ZNF385B: variants seen among roughly 807,000 people sequenced by gnomAD.
ZNF385B encodes the protein zinc finger protein 533.
A neutral mutation model predicts 39.2 loss-of-function variants in ZNF385B; 23 were observed. The ratio of observed to expected loss-of-function variants is 0.59; its 90% confidence interval spans 0.42 to 0.83. The LOEUF (loss-of-function observed/expected upper bound fraction) is 0.83, where lower values mean the gene tolerates loss of function less well. ZNF385B is among the 40% of genes least tolerant of loss of function. The probability of loss-of-function intolerance (pLI) is 0.00; values close to 1 mark genes in which losing one functional copy is unlikely to be tolerated. For missense variants in ZNF385B, 552 were observed against 598.9 expected (o/e 0.92, Z 0.82); for synonymous variants, 205 against 222.6 (o/e 0.92, Z 0.70).
At position 179,753,964 on chromosome 2, in the gene ZNF385B, A is replaced by C. The variant is rs568817536; in HGVS notation, c.298+15539T>G. The stretch of plus-strand genomic sequence containing the variant: ...GATTTCCCTGGCCAGAACTTCCAAC[A>C]CTGTGTTGAATAGGAGTGGTGAGAG... On this transcript the variant is annotated intron_variant, in intron 3 of 9. Transcript: ENST00000410066. Among the ~76,000 whole-genome samples the C allele has an allele frequency of 5.9e-5, 9 of 152,208 alleles. No homozygotes were observed. The East Asian group carries it at 1.7e-3, about 29-fold the overall frequency.
chr2:179,762,847 ATGATAAAT>A (rs1703480349), intron 3 of ZNF385B, among the ~76,000 whole-genome samples: 1 of 152,170 alleles, frequency 6.6e-6, no homozygotes, highest in Non-Finnish European at 1.5e-5. Context: ...GTGCTTTGTA[ATGATAAAT>A]TCAGCTTATT....
intron 1 of ZNF385B, among the ~76,000 whole-genome samples, chr2:179,822,788 T>G (rs536177681): frequency 6.6e-6 from 1 of 152,318 alleles, no homozygotes; most frequent in African/African-American, 2.4e-5. Flanking sequence ...AATTATTCTT[T>G]GCACACAAAA....
In ZNF385B at chr2:179,809,879, A is replaced by G. The variant is rs115170826; in HGVS notation, c.-154-39207T>C. ...CTGATTCTAACATTCATCCAGAAAA[A>G]CAAATATGTAAGCATGTTCTGAAAA... On this transcript the variant is annotated intron_variant, in intron 1 of 9. Coordinates refer to ENST00000410066, the MANE Select transcript of ZNF385B (RefSeq NM_152520.6). 4.1e-3 allele frequency among the ~76,000 whole-genome samples: 631 copies of G among 152,168 alleles called. 5 individuals are homozygous for G. Among genetic ancestry groups the G allele is most frequent in the African/African-American group, 0.014 (600 of 41,570 alleles).
intron 3 of ZNF385B, among the ~76,000 whole-genome samples, chr2:179,567,335 G>T (rs1684711114): frequency 1.3e-5 from 2 of 152,120 alleles, no homozygotes; most frequent in Admixed American, 1.3e-4. Context: ...TATCTGTGGG[G>T]GGAAAAACAA....
chr2:179,469,948 TC>T (rs2052548592), intron 6 of ZNF385B, among the ~76,000 whole-genome samples: 1 of 152,168 alleles, frequency 6.6e-6, no homozygotes, highest in Non-Finnish European at 1.5e-5. Context: ...AGCTTTTTTC[TC>T]CCCAATGGGG....
At chr2:179,512,481 T>C (rs890182147) in intron 5 of ZNF385B, among the ~76,000 whole-genome samples, 29 of 152,156 alleles carry the variant, frequency 1.9e-4, no homozygotes, top group Admixed American at 5.9e-4. Context: ...ATGAGATAAA[T>C]GTTAGTCTCA....
At chr2:179,449,550 T>C (rs1013556112) in intron 6 of ZNF385B, among the ~76,000 whole-genome samples, 3 of 152,100 alleles carry the variant, frequency 2.0e-5, no homozygotes, top group Admixed American at 6.6e-5. Context: ...ACAAGGGACA[T>C]GAAGGACCTC....
chr2:179,712,469 T>C (rs1014097576), intron 3 of ZNF385B, among the ~76,000 whole-genome samples: 1 of 152,174 alleles, frequency 6.6e-6, no homozygotes, highest in Non-Finnish European at 1.5e-5. Flanking sequence ...ACACCGTCCT[T>C]GATATCTCCT....
intron 3 of ZNF385B, among the ~76,000 whole-genome samples, chr2:179,630,208 TC>T (rs1691067961): frequency 6.6e-6 from 1 of 152,212 alleles, no homozygotes; most frequent in African/African-American, 2.4e-5. Context: ...ACAGAATGCC[TC>T]CTCAAATGGG....
At chr2:179,504,603 T>C (rs1010745143) in intron 5 of ZNF385B, among the ~76,000 whole-genome samples, 3 of 151,930 alleles carry the variant, frequency 2.0e-5, no homozygotes, top group Non-Finnish European at 4.4e-5. Context: ...ATAGTGGTTT[T>C]GATTTGCATT....
At chr2:179,554,084 C>T (rs71425637) in intron 3 of ZNF385B, among the ~76,000 whole-genome samples, 15,471 of 148,598 alleles carry the variant, frequency 0.1, 1,709 homozygotes, top group Middle Eastern at 0.2. Flanking sequence ...GGAAAACTAA[C>T]TGAGGTTTTT....
At chr2:179,447,966 T>C (rs2049672942) in intron 6 of ZNF385B, among the ~76,000 whole-genome samples, 1 of 125,990 alleles carries the variant, frequency 7.9e-6, no homozygotes, top group Non-Finnish European at 1.6e-5. Context: ...GAATCAGCAG[T>C]TGATTTCCAT....
chr2:179,488,316 T>C (rs1013752124), intron 5 of ZNF385B, among the ~76,000 whole-genome samples: 1 of 152,148 alleles, frequency 6.6e-6, no homozygotes, highest in Non-Finnish European at 1.5e-5. Flanking sequence ...GGCTAATTTT[T>C]TTGTATTTTA....
At chr2:179,803,403 G>A (rs547619347) in intron 1 of ZNF385B, among the ~76,000 whole-genome samples, 1 of 152,220 alleles carries the variant, frequency 6.6e-6, no homozygotes, top group Admixed American at 6.5e-5. Context: ...ATTTTTACTA[G>A]TGCATGACTA....
chr2:179,776,746 T>C (rs533319510), intron 1 of ZNF385B, among the ~76,000 whole-genome samples: 2 of 152,132 alleles, frequency 1.3e-5, no homozygotes, highest in Non-Finnish European at 2.9e-5. Context: ...GAACAACAAC[T>C]GGCTTGGGAT....
chr2:179,622,660 TA>T (rs1212343481), intron 3 of ZNF385B, among the ~76,000 whole-genome samples: 1 of 152,176 alleles, frequency 6.6e-6, no homozygotes, highest in Non-Finnish European at 1.5e-5. Flanking sequence ...CATATAAGAA[TA>T]AAAATTTTTA....
chr2:179,493,809 A>ATATGTATACATATATGTATATG (rs2055845492), intron 5 of ZNF385B, among the ~76,000 whole-genome samples: 5 of 145,512 alleles, frequency 3.4e-5, no homozygotes, highest in African/African-American at 7.5e-5. Context: ...ATGTATATAT[A>ATATGTATACATATATGTATATG]CATATATATA....
intron 3 of ZNF385B, among the ~76,000 whole-genome samples, chr2:179,751,979 A>T (rs1286492550): frequency 6.6e-6 from 1 of 152,158 alleles, no homozygotes; most frequent in Non-Finnish European, 1.5e-5. Flanking sequence ...GCACATGTGC[A>T]CAACGTGCAG....
At chr2:179,617,315 T>C (rs1481913161) in intron 3 of ZNF385B, among the ~76,000 whole-genome samples, 1 of 152,192 alleles carries the variant, frequency 6.6e-6, no homozygotes, top group African/African-American at 2.4e-5. Context: ...GCTCTTGCAG[T>C]TGCTGTTTTT....
Sources: gnomAD v4.1 joint callset for allele counts (sites outside exome capture counted in the v4.1 genomes callset) on GRCh38, gnomAD v4.1.1 for gene constraint, MANE v1.5 for transcripts, NCBI Gene and HGNC (gene_info 2026-07-23, HGNC 2026-07-21) for gene names.